TLN2: variants seen among roughly 807,000 people sequenced by gnomAD.
TLN2 encodes talin-2.
In TLN2, 118 loss-of-function variants were observed where a neutral mutation model predicts 294.7. That is an observed-to-expected ratio of 0.40 (90% CI 0.34 to 0.47). The LOEUF (loss-of-function observed/expected upper bound fraction) is 0.47. Ranked by LOEUF, TLN2 falls within the 20% of genes least tolerant of loss-of-function variation. The pLI is 0.84. For synonymous variants in TLN2, 1,431 were observed against 1,304.5 expected (o/e 1.10, Z -2.09); for missense variants, 3,083 against 3,282.2 (o/e 0.94, Z 1.48).
chr15:62,645,644 C>T (rs2051738200), intron 3 of TLN2, among the ~76,000 whole-genome samples: 1 of 152,176 alleles, frequency 6.6e-6, no homozygotes, highest in Non-Finnish European at 1.5e-5. Context: ...ACTGCCTGGG[C>T]CTGGGCAGCC....
At chr15:62,705,492 A>G (rs1284330615) in intron 19 of TLN2, among the ~76,000 whole-genome samples, 4 of 152,090 alleles carry the variant, frequency 2.6e-5, no homozygotes, top group African/African-American at 9.7e-5. Flanking sequence ...TCTTTTTCTG[A>G]CTGTATTTTT....
rs1044034149 is a variant in TLN2, at chr15:62,634,891, T to C, written c.-36-12384T>C. 5.9e-5 allele frequency among the ~76,000 whole-genome samples: 9 copies of C among 152,350 alleles called. No homozygotes were observed. In the East Asian group the frequency reaches 1.7e-3, roughly 29 times the overall value. ...TCTTCTCTCTGTCATTTCGACTGTT[T>C]GCAATATATTTTAAAATTTGTATTA... On this transcript the variant is annotated intron_variant, in intron 3 of 58. Transcript: ENST00000636159.
At chr15:62,448,122 G>T (rs2035922288) in intron 1 of TLN2, among the ~76,000 whole-genome samples, 1 of 152,166 alleles carries the variant, frequency 6.6e-6, no homozygotes, top group African/African-American at 2.4e-5. Context: ...AAGCAGCATG[G>T]CTCTGACTGG....
At chr15:62,390,947 C>T (rs2456932) in intron 1 of TLN2, among the ~76,000 whole-genome samples, 48,293 of 152,106 alleles carry the variant, frequency 0.32, 8,152 homozygotes, top group East Asian at 0.61. Context: ...TTCACTGCAC[C>T]GGACCCGGGC....
chr15:62,834,982 G>T (rs1445652035), intron 55 of TLN2: 1 of 152,162 alleles, frequency 6.6e-6, no homozygotes, highest in African/African-American at 2.4e-5. Context: ...TAGTATTATA[G>T]GCAGGACCTT....
At chr15:62,712,725 AGT>A (rs72282237) in intron 22 of TLN2, among the ~76,000 whole-genome samples, 2 of 150,056 alleles carry the variant, frequency 1.3e-5, no homozygotes, top group Non-Finnish European at 3.0e-5. Context: ...GGTAGGACTC[AGT>A]GTGTGTGTGT....
At chr15:62,764,971 TAAAA>T (rs5813170) in intron 40 of TLN2, among the ~76,000 whole-genome samples, 2 of 108,906 alleles carry the variant, frequency 1.8e-5, no homozygotes, top group African/African-American at 3.5e-5. Context: ...GACTCCATCT[TAAAA>T]AAAAAAAAAA....
At chr15:62,644,924 A>G (rs1016771718) in intron 3 of TLN2, 7 of 244,752 alleles carry the variant, frequency 2.9e-5, no homozygotes, top group African/African-American at 1.6e-4. Context: ...CGCTTACAAC[A>G]CTTCGTTTTC....
chr15:62,406,629 A>C (rs1235772746), intron 1 of TLN2, among the ~76,000 whole-genome samples: 1 of 152,184 alleles, frequency 6.6e-6, no homozygotes, highest in African/African-American at 2.4e-5. Flanking sequence ...TCATTGGATC[A>C]TTGCATGGAA....
In TLN2 at chr15:62,748,252, A is replaced by AT; in HGVS notation, c.4026-98dup. 21 of 921,832 alleles carry AT rather than the reference A, an allele frequency of 2.3e-5. No homozygotes were observed. The South Asian group carries it at 3.1e-4, about 14-fold the overall frequency. 57.1% of individuals were successfully genotyped at this position (921,832 alleles called of 1,614,324 possible). A position where few individuals can be genotyped will look rare whatever the true frequency, so the allele number is the denominator to read the frequency against. On this transcript the variant is annotated intron_variant, in intron 32 of 58. Coordinates refer to ENST00000636159, the MANE Select transcript of TLN2 (RefSeq NM_015059.3). ...AGTTCTCCTGGGGACCCGAGCTGAAATAGTGAATTAATTGTATTTCTGGTG... is the reference window on the plus strand; with the variant it reads ...AGTTCTCCTGGGGACCCGAGCTGAAATTAGTGAATTAATTGTATTTCTGGTG...
At chr15:62,832,526 C>A (rs2068979516) in intron 54 of TLN2, 1 of 152,276 alleles carries the variant, frequency 6.6e-6, no homozygotes, top group Non-Finnish European at 1.5e-5. Context: ...TCCAAAGCTT[C>A]TTTTCAACTT....
intron 1 of TLN2, among the ~76,000 whole-genome samples, chr15:62,510,844 G>T (rs1478351886): frequency 6.6e-6 from 1 of 152,228 alleles, no homozygotes; most frequent in East Asian, 1.9e-4. Flanking sequence ...AACCCCCAGA[G>T]AATCCAGTTA....
intron 1 of TLN2, among the ~76,000 whole-genome samples, chr15:62,452,166 G>T (rs1245319164): frequency 6.6e-6 from 1 of 152,150 alleles, no homozygotes; most frequent in Non-Finnish European, 1.5e-5. Flanking sequence ...GAACAGTGGG[G>T]TTGTGAGGGT....
chr15:62,480,604 CAAA>C (rs990154979), intron 1 of TLN2, among the ~76,000 whole-genome samples: 5 of 152,086 alleles, frequency 3.3e-5, no homozygotes, highest in African/African-American at 1.2e-4. Flanking sequence ...AAAAATAAGA[CAAA>C]GAAGTAAACA....
chr15:62,679,434 A>G (rs2056589818), intron 11 of TLN2, among the ~76,000 whole-genome samples: 1 of 114,110 alleles, frequency 8.8e-6, no homozygotes, highest in Non-Finnish European at 2.2e-5. Flanking sequence ...ATTCAGCCAT[A>G]AAAAGGAATG....
chr15:62,780,768 CTT>C (rs1567590993), intron 43 of TLN2, among the ~76,000 whole-genome samples: 129 of 152,354 alleles, frequency 8.5e-4, no homozygotes, highest in African/African-American at 3.1e-3. Flanking sequence ...GCACTTTGCG[CTT>C]CCCTAGAAGT....
chr15:62,663,497 C>T (rs79579630), intron 9 of TLN2, among the ~76,000 whole-genome samples: 1 of 151,334 alleles, frequency 6.6e-6, no homozygotes, highest in Non-Finnish European at 1.5e-5. Flanking sequence ...TCATTAGTTG[C>T]AGGTGATAGG....
chr15:62,718,675 G>T (rs566734293), intron 24 of TLN2, among the ~76,000 whole-genome samples: 1 of 152,306 alleles, frequency 6.6e-6, no homozygotes, highest in East Asian at 1.9e-4. Flanking sequence ...AAGGAGTCTT[G>T]CTGAGAGTGA....
chr15:62,783,784 T>A lies in TLN2; in HGVS notation c.5630T>A (p.Val1877Asp). 6.2e-7 allele frequency: 1 copy of A among 1,603,158 alleles called. No individual in the cohort carries two copies. The highest frequency in any genetic ancestry group is 8.5e-7 in the Non-Finnish European group (1 of 1,170,954). The stretch of plus-strand genomic sequence containing the variant: ...TTCTTTTTCCAGATGACTAAGTCGG[T>A]TACTAACCCGGAGGAGTTGGGAGGA... The part of the protein sequence containing the change: ...VTAQEMMTKS[V>D]TNPEELGGLA... Residue 1877 changes from valine to aspartate, a missense_variant, in exon 45 of 59, where the codon GTT becomes GAT. Transcript: ENST00000636159.
Sources: gnomAD v4.1 joint callset for allele counts (sites outside exome capture counted in the v4.1 genomes callset) on GRCh38, gnomAD v4.1.1 for gene constraint, MANE v1.5 for transcripts, NCBI Gene and HGNC (gene_info 2026-07-23, HGNC 2026-07-21) for gene names.